The following MAP7D2 variants were observed in gnomAD, a reference collection of about 807,000 sequenced individuals.
MAP7D2 encodes MAP7 domain containing 2, also known as MAP7 domain-containing protein 2.
MAP7D2 carries 33 observed loss-of-function variants against 63.5 expected under a neutral mutation model. The ratio of observed to expected loss-of-function variants is 0.52; its 90% CI spans 0.39 to 0.70. MAP7D2 has a LOEUF of 0.70. Ranked by LOEUF, MAP7D2 falls within the 30% of genes least tolerant of loss-of-function variation. The pLI is 0.00. For synonymous variants in MAP7D2, 224 were observed against 223.7 expected (o/e 1.00, Z -0.01); for missense variants, 626 against 604.0 (o/e 1.04, Z -0.38).
chrX:20,100,605 A>G, intron 1 of MAP7D2, among the ~76,000 whole-genome samples: 1 of 102,270 alleles, frequency 9.8e-6, no homozygotes, highest in Admixed American at 1.0e-4. Context: ...GTAACAGTGG[A>G]AGTAGAGCTG....
chrX:20,024,730 T>A (rs1156556524), intron 10 of MAP7D2, among the ~76,000 whole-genome samples: 1 of 111,512 alleles, frequency 9.0e-6, no homozygotes, highest in Non-Finnish European at 1.9e-5. Flanking sequence ...GAGCTATGAG[T>A]TTCCAGGTCC....
intron 8 of MAP7D2, among the ~76,000 whole-genome samples, chrX:20,034,312 G>C (rs899960680): frequency 4.1e-4 from 45 of 108,683 alleles, no homozygotes; most frequent in Non-Finnish European, 7.3e-4. Flanking sequence ...CACTTTGGGA[G>C]GCAGGGGCAG....
At chrX:20,043,341 A>G (rs187078862) in intron 7 of MAP7D2, among the ~76,000 whole-genome samples, 1 of 112,619 alleles carries the variant, frequency 8.9e-6, no homozygotes, top group East Asian at 2.8e-4. Context: ...ATTATTTGAT[A>G]TTCCTCCCTT....
chrX:20,013,172 G>A (rs1394779276), intron 13 of MAP7D2, 40 bp from the exon 14 acceptor site: 1 of 1,028,243 alleles, frequency 9.7e-7, no homozygotes, highest in Non-Finnish European at 1.4e-6. Flanking sequence ...AGGGAAGGCT[G>A]ACATCACACA....
intron 6 of MAP7D2, among the ~76,000 whole-genome samples, chrX:20,044,987 T>G (rs1229253166): frequency 2.7e-5 from 3 of 111,695 alleles, no homozygotes; most frequent in African/African-American, 9.8e-5. Context: ...TGGTTTATGC[T>G]AAGCATCTGC....
At position 20,064,780 on chromosome X, in the gene MAP7D2, A is replaced by T; in HGVS notation, c.156T>A (p.Asp52Glu). ...TTTCTTTGGCCAATCTCTGCCTCTCATCTGATTTCAAAAATCCCTCCATGC... is the reference window on the plus strand; with the variant it reads ...TTTCTTTGGCCAATCTCTGCCTCTCTTCTGATTTCAAAAATCCCTCCATGC... ...PQGMEGFLKS[D>E]ERQRLAKERR... is the part of the protein sequence containing the mutation. The change falls in exon 2 of 17, where the codon GAT (aspartate) becomes GAA (glutamate). Residue 52 changes from aspartate (D) to glutamate (E), a missense_variant. Coordinates refer to ENST00000379643, the MANE Select transcript of MAP7D2 (RefSeq NM_001168465.2). The T allele has an allele frequency of 8.3e-7, 1 of 1,210,132 alleles. No individual in the cohort carries two copies. The highest frequency in any genetic ancestry group is 1.1e-6 in the Non-Finnish European group (1 of 894,161).
In MAP7D2 at chrX:20,010,951, C is replaced by T. The variant is rs761523374; in HGVS notation, c.2174G>A (p.Arg725Gln). Residue 725 changes from arginine (R) to glutamine (Q), a missense_variant, in exon 16 of 17, where the codon CGA (arginine) becomes CAA (glutamine). Coordinates refer to ENST00000379643, the MANE Select transcript of MAP7D2 (RefSeq NM_001168465.2). ...GAAATCTAAGAGATCTTGAAGTGCT[C>T]GGGCATTACCAGTTCCATTTTGGTC... is the stretch of plus-strand genomic sequence containing the variant. The part of the protein sequence containing the change: ...SLDQNGTGNA[R>Q]ALQDLLDFTG... The T allele has an allele frequency of 7.6e-5, 92 of 1,208,953 alleles. No homozygotes were observed. The highest frequency in any genetic ancestry group is 8.5e-5 in the Non-Finnish European group (76 of 894,977).
intron 1 of MAP7D2, among the ~76,000 whole-genome samples, chrX:20,103,208 CTGGTTTTATCTAA>C (rs1291032590): frequency 8.9e-6 from 1 of 111,873 alleles, no homozygotes; most frequent in African/African-American, 3.2e-5. Context: ...TAGCTAGCTA[CTGGTTTTATCTAA>C]TGGTTTGGTA....
At chrX:20,070,138 G>A (rs923505950) in intron 1 of MAP7D2, among the ~76,000 whole-genome samples, 1 of 110,750 alleles carries the variant, frequency 9.0e-6, no homozygotes, top group Non-Finnish European at 1.9e-5. Context: ...TAGTAGAGAC[G>A]GGGTTTCACC....
chrX:20,095,479 C>T (rs1269542250), intron 1 of MAP7D2, among the ~76,000 whole-genome samples: 1 of 111,418 alleles, frequency 9.0e-6, no homozygotes, highest in Non-Finnish European at 1.9e-5. Flanking sequence ...TGTGAGGCTA[C>T]AGTGAGCTAC....
intron 8 of MAP7D2, among the ~76,000 whole-genome samples, chrX:20,040,050 G>A (rs1212505084): frequency 9.7e-6 from 1 of 103,090 alleles, no homozygotes; most frequent in Non-Finnish European, 2.0e-5. Flanking sequence ...AGGACGACTA[G>A]ACTGGCTTAG....
intron 1 of MAP7D2, among the ~76,000 whole-genome samples, chrX:20,089,277 C>T (rs902535892): frequency 8.9e-6 from 1 of 111,982 alleles, no homozygotes; most frequent in African/African-American, 3.3e-5. Flanking sequence ...TATTCAATTA[C>T]TCATATATGG....
At chrX:20,066,697 T>A (rs1174966592) in intron 1 of MAP7D2, among the ~76,000 whole-genome samples, 1 of 111,728 alleles carries the variant, frequency 9.0e-6, no homozygotes, top group Non-Finnish European at 1.9e-5. Context: ...TTCTAGCTCA[T>A]GCCATCCTTT....
intron 10 of MAP7D2, among the ~76,000 whole-genome samples, chrX:20,024,156 T>C (rs2073756465): frequency 8.9e-6 from 1 of 112,378 alleles, no homozygotes; most frequent in Non-Finnish European, 1.9e-5. Flanking sequence ...AACGGCTTCC[T>C]TTATCAATTT....
intron 1 of MAP7D2, among the ~76,000 whole-genome samples, chrX:20,091,117 A>G (rs778819012): frequency 4.0e-4 from 40 of 99,601 alleles, no homozygotes; most frequent in African/African-American, 1.5e-3. Context: ...CAGTGGCGCG[A>G]TCTCAGCTCA....
chrX:20,011,067 C>T lies in MAP7D2; in HGVS notation c.2073-15G>A, dbSNP rs144190552. 1,938 of 1,197,814 alleles carry T rather than the reference C, an allele frequency of 1.6e-3. 35 individuals carry two copies. In the Admixed American group the frequency reaches 0.038, roughly 24 times the overall value. On this transcript the variant is annotated splice_polypyrimidine_tract_variant and intron_variant, in intron 15 of 16. Coordinates refer to ENST00000379643, the MANE Select transcript of MAP7D2 (RefSeq NM_001168465.2). ...TTGAAACAGGACTAGAAGAGATGAA[C>T]GAGAGGGAGAGAGGCAGAAAGAGAC... is the stretch of plus-strand genomic sequence containing the variant.
intron 2 of MAP7D2, among the ~76,000 whole-genome samples, 182 bp from the exon 3 acceptor site, chrX:20,063,759 T>C (rs1311549796): frequency 8.9e-6 from 1 of 111,953 alleles, no homozygotes. Flanking sequence ...CTAAGCATGT[T>C]AGCTAGATCA....
intron 4 of MAP7D2, among the ~76,000 whole-genome samples, chrX:20,055,467 C>T (rs922110636): frequency 1.8e-5 from 2 of 111,675 alleles, no homozygotes; most frequent in African/African-American, 6.5e-5. Context: ...GTGCAAAAAT[C>T]CAACACTGAC....
At chrX:20,088,544 C>T (rs2065983172) in intron 1 of MAP7D2, among the ~76,000 whole-genome samples, 1 of 87,823 alleles carries the variant, frequency 1.1e-5, no homozygotes, top group African/African-American at 3.8e-5. Flanking sequence ...TGGCTGGTCT[C>T]AAACTCCCGG....
Sources: gnomAD v4.1 joint callset for allele counts (sites outside exome capture counted in the v4.1 genomes callset) on GRCh38, gnomAD v4.1.1 for gene constraint, MANE v1.5 for transcripts, NCBI Gene and HGNC (gene_info 2026-07-23, HGNC 2026-07-21) for gene names.